PARD3B: variants seen among roughly 807,000 people sequenced by gnomAD.
PARD3B encodes the protein par-3 family cell polarity regulator beta.
A neutral mutation model predicts 130.2 loss-of-function variants in PARD3B; 103 were observed. The observed-to-expected ratio is 0.79, with a 90% confidence interval of 0.67 to 0.93. PARD3B has a LOEUF of 0.93. Ranked by LOEUF, PARD3B falls within the 40% of genes least tolerant of loss-of-function variation. PARD3B has a pLI of 0.00. For synonymous variants in PARD3B, 583 were observed against 553.2 expected (o/e 1.05, Z -0.76); for missense variants, 1,609 against 1,499.2 (o/e 1.07, Z -1.21).
At chr2:205,113,603 G>C (rs756818357) in intron 6 of PARD3B, 26 bp downstream of exon 6, 1 of 1,568,924 alleles carries the variant, frequency 6.4e-7, no homozygotes, top group Non-Finnish European at 8.7e-7. Context: ...CATTCCAGAA[G>C]CTCATGCTAA....
In PARD3B at chr2:205,091,039, G is replaced by T. The variant is rs1034878556; in HGVS notation, c.505-13387G>T. Among the ~76,000 whole-genome samples the T allele has an allele frequency of 1.3e-5, 2 of 152,144 alleles. No homozygotes were observed. Among genetic ancestry groups the T allele is most frequent in the Non-Finnish European group, 2.9e-5 (2 of 68,026 alleles). On this transcript the variant is annotated intron_variant, in intron 4 of 22. Transcript: ENST00000406610. This position sits in a 1 kb window ranked among gnomAD's most constrained non-coding sequence, Gnocchi z 4.2. ...ATGATATTTGGATTAAATCATCACT[G>T]TCTAATAGAAGCAGTTATAAATATG... is the stretch of plus-strand genomic sequence containing the variant.
At chr2:205,310,942 T>C (rs960039328) in intron 18 of PARD3B, among the ~76,000 whole-genome samples, 5 of 152,168 alleles carry the variant, frequency 3.3e-5, no homozygotes, top group African/African-American at 1.2e-4. Context: ...CAGGCTGGTT[T>C]CAAATTCCTG....
At chr2:205,304,448 T>C (rs998857271) in intron 18 of PARD3B, among the ~76,000 whole-genome samples, 30 of 151,412 alleles carry the variant, frequency 2.0e-4, no homozygotes, top group South Asian at 2.1e-4. Flanking sequence ...CCAGCTTGAC[T>C]AACATGGAGA....
At chr2:204,605,128 G>T (rs1298279723) in intron 1 of PARD3B, among the ~76,000 whole-genome samples, 1 of 152,168 alleles carries the variant, frequency 6.6e-6, no homozygotes, top group African/African-American at 2.4e-5. Context: ...AGAGCTGCAA[G>T]GCTTCTTGTG....
chr2:205,545,763 G>GCAGA (rs1241990869), intron 21 of PARD3B, among the ~76,000 whole-genome samples: 1 of 152,122 alleles, frequency 6.6e-6, no homozygotes, highest in African/African-American at 2.4e-5. Flanking sequence ...CTTTTCATCA[G>GCAGA]CAGACATTTG....
rs186845174 is a variant in PARD3B, at chr2:205,345,592, C to T, written c.2630+43891C>T. The stretch of plus-strand genomic sequence containing the variant: ...TTATATTTGAAGTTAGAACCTCCCC[C>T]AGTCCATGCTGCTAAGTTCACCCCC... On this transcript the variant is annotated intron_variant, in intron 18 of 22. Transcript: ENST00000406610. Among the ~76,000 whole-genome samples the T allele has an allele frequency of 9.9e-4, 150 of 151,814 alleles. 1 individual carries two copies. The highest frequency in any genetic ancestry group is 3.5e-3 in the African/African-American group (144 of 41,496).
chr2:205,480,039 A>G lies in PARD3B; in HGVS notation c.3045-19857A>G, dbSNP rs1163732099. 3.3e-5 allele frequency among the ~76,000 whole-genome samples: 5 copies of G among 151,464 alleles called. No homozygotes were observed. In the East Asian group the frequency reaches 9.8e-4, roughly 30 times the overall value. Reference sequence around the variant, plus strand: ...TGCCTCAGCCTCCTGAGTAGCTGGGATTATAGGTGCCCTCCACCATGCCCA... The same window carrying G: ...TGCCTCAGCCTCCTGAGTAGCTGGGGTTATAGGTGCCCTCCACCATGCCCA... On this transcript the variant is annotated intron_variant, in intron 20 of 22. Coordinates refer to ENST00000406610, the MANE Select transcript of PARD3B (RefSeq NM_001302769.2).
intron 4 of PARD3B, among the ~76,000 whole-genome samples, chr2:205,063,636 T>C (rs965122947): frequency 2.0e-5 from 3 of 152,196 alleles, no homozygotes; most frequent in African/African-American, 7.2e-5. Context: ...TTTCATCGAA[T>C]CCTCTTAACA....
intron 22 of PARD3B, among the ~76,000 whole-genome samples, chr2:205,583,115 T>C (rs755537864): frequency 1.2e-4 from 19 of 152,226 alleles, no homozygotes; most frequent in Admixed American, 7.9e-4. Flanking sequence ...AAATGTGCAA[T>C]ATATGCTCTC....
intron 19 of PARD3B, among the ~76,000 whole-genome samples, chr2:205,436,755 A>G (rs976987006): frequency 6.6e-6 from 1 of 151,878 alleles, no homozygotes; most frequent in Non-Finnish European, 1.5e-5. Context: ...GTTTTGGGAG[A>G]GCTAGTCTGA....
chr2:204,864,425 G>A (rs1424235958), intron 2 of PARD3B, among the ~76,000 whole-genome samples: 2 of 152,108 alleles, frequency 1.3e-5, no homozygotes, highest in Non-Finnish European at 2.9e-5. Flanking sequence ...CAGCTAAACT[G>A]ACTTTTTTTT....
At chr2:205,529,431 T>C (rs1191584846) in intron 21 of PARD3B, among the ~76,000 whole-genome samples, 4 of 152,236 alleles carry the variant, frequency 2.6e-5, no homozygotes, top group Admixed American at 6.5e-5. Context: ...TTTGCCACCA[T>C]TTCACTCATT....
At chr2:204,571,236 C>T (rs1000402769) in intron 1 of PARD3B, among the ~76,000 whole-genome samples, 1 of 152,300 alleles carries the variant, frequency 6.6e-6, no homozygotes, top group Admixed American at 6.5e-5. Flanking sequence ...ATAGCCCTGA[C>T]TCTTCTATGA....
chr2:205,091,755 G>A lies in PARD3B; in HGVS notation c.505-12671G>A, dbSNP rs1332233855. The stretch of plus-strand genomic sequence containing the variant: ...GAGTTGAATTATAGAACATGCAAAG[G>A]GGAACAGTAGACGGGCCATTCATTA... On this transcript the variant is annotated intron_variant, in intron 4 of 22. Transcript: ENST00000406610. The surrounding 1 kb of genome is among the most constrained non-coding windows in gnomAD (Gnocchi z 4.2). Among the ~76,000 whole-genome samples, 1 of 152,016 alleles carries A rather than the reference G, an allele frequency of 6.6e-6. No homozygotes were observed. The highest frequency in any genetic ancestry group is 1.9e-4 in the East Asian group (1 of 5,184).
chr2:205,050,714 CTT>C (rs543498428), intron 4 of PARD3B, among the ~76,000 whole-genome samples: 4 of 143,858 alleles, frequency 2.8e-5, no homozygotes, highest in African/African-American at 5.1e-5. Flanking sequence ...CCTGTTTTTA[CTT>C]TTTTTTTTTT....
chr2:204,927,675 A>G (rs1687726063), intron 2 of PARD3B, among the ~76,000 whole-genome samples: 1 of 152,190 alleles, frequency 6.6e-6, no homozygotes, highest in African/African-American at 2.4e-5. Context: ...GAGGAGTTAT[A>G]GGCACAAGAT....
At chr2:205,117,938 T>TACACACACACACACACACAC (rs1366473096) in intron 6 of PARD3B, among the ~76,000 whole-genome samples, 42 of 107,780 alleles carry the variant, frequency 3.9e-4, no homozygotes, top group African/African-American at 1.1e-3. Context: ...CACACACACA[T>TACACACACACACACACACAC]ACACACACAC....
intron 1 of PARD3B, among the ~76,000 whole-genome samples, chr2:204,590,402 ATG>A (rs544369542): frequency 5.3e-4 from 81 of 152,296 alleles, no homozygotes; most frequent in African/African-American, 1.9e-3. Flanking sequence ...ATTGTAAAGG[ATG>A]TGCAAAGAAA....
At chr2:204,866,540 G>T (rs184754172) in intron 2 of PARD3B, among the ~76,000 whole-genome samples, 60 of 152,088 alleles carry the variant, frequency 3.9e-4, no homozygotes, top group African/African-American at 1.4e-3. Context: ...CTTATTAGGT[G>T]CCAGCCCTGT....
Sources: gnomAD v4.1 joint callset for allele counts (sites outside exome capture counted in the v4.1 genomes callset) on GRCh38, gnomAD v4.1.1 for gene constraint, Gnocchi (gnomAD v3.1) non-coding constraint, MANE v1.5 for transcripts, NCBI Gene and HGNC (gene_info 2026-07-23, HGNC 2026-07-21) for gene names.